The following MTUS2 variants were observed in gnomAD, a reference collection of about 807,000 sequenced individuals.
MTUS2 encodes the protein microtubule-associated tumor suppressor candidate 2.
Under a neutral mutation model 114.1 loss-of-function variants are expected in MTUS2, and 40 were observed. The observed-to-expected ratio is 0.35, with a 90% CI of 0.27 to 0.46. The LOEUF is 0.46. Ranked by LOEUF, MTUS2 falls within the 20% of genes least tolerant of loss-of-function variation. MTUS2 has a pLI of 1.00. For synonymous variants in MTUS2, 688 were observed against 672.0 expected (o/e 1.02, Z -0.37); for missense variants, 1,679 against 1,705.4 (o/e 0.98, Z 0.27).
intron 2 of MTUS2, among the ~76,000 whole-genome samples, chr13:28,969,334 A>G (rs1046690733): frequency 2.6e-5 from 4 of 152,290 alleles, no homozygotes; most frequent in African/African-American, 9.6e-5. Context: ...CAACATATAC[A>G]GTGTATACTG....
intron 12 of MTUS2, among the ~76,000 whole-genome samples, chr13:29,494,940 C>G (rs1882430656): frequency 6.6e-6 from 1 of 151,906 alleles, no homozygotes; most frequent in African/African-American, 2.4e-5. Flanking sequence ...ATTCCCAGCA[C>G]TTTGGGAGGC....
intron 7 of MTUS2, among the ~76,000 whole-genome samples, chr13:29,332,886 C>T (rs1435550529): frequency 7.2e-5 from 11 of 152,120 alleles, no homozygotes; most frequent in African/African-American, 1.9e-4. Context: ...CTGCGCGTCT[C>T]GGCCTCCCAA....
intron 2 of MTUS2, among the ~76,000 whole-genome samples, chr13:28,964,126 T>C (rs904745848): frequency 2.0e-5 from 3 of 152,202 alleles, no homozygotes; most frequent in Non-Finnish European, 4.4e-5. Flanking sequence ...TGTACTTGGG[T>C]GTCTAATAGG....
intron 5 of MTUS2, among the ~76,000 whole-genome samples, chr13:29,211,228 T>A (rs1167049839): frequency 2.6e-5 from 4 of 151,976 alleles, no homozygotes; most frequent in African/African-American, 9.7e-5. Context: ...CTCTGCTGGG[T>A]CACGCAGGTT....
intron 6 of MTUS2, among the ~76,000 whole-genome samples, chr13:29,321,499 A>T (rs550550551): frequency 2.4e-4 from 37 of 152,356 alleles, no homozygotes; most frequent in African/African-American, 8.2e-4. Flanking sequence ...CCCAGACCAT[A>T]CAAGAGTTCT....
At chr13:29,366,209 G>T (rs1870699854) in intron 8 of MTUS2, among the ~76,000 whole-genome samples, 1 of 152,174 alleles carries the variant, frequency 6.6e-6, no homozygotes, top group Admixed American at 6.5e-5. Context: ...AGTTCCACGT[G>T]GCTGGGAAGG....
At chr13:29,459,397 G>C (rs1174897843) in intron 9 of MTUS2, among the ~76,000 whole-genome samples, 2 of 152,082 alleles carry the variant, frequency 1.3e-5, no homozygotes, top group Non-Finnish European at 2.9e-5. Context: ...TTATAATTCG[G>C]AAGTGTGTTC....
chr13:29,280,094 T>C (rs149587049), intron 5 of MTUS2, among the ~76,000 whole-genome samples: 261 of 152,190 alleles, frequency 1.7e-3, no homozygotes, highest in African/African-American at 6.1e-3. Flanking sequence ...CCTGAGAGAG[T>C]CTCTGAGTTC....
chr13:28,957,124 A>G lies in MTUS2; in HGVS notation c.-242-67333A>G, dbSNP rs1883109278. Among the ~76,000 whole-genome samples the G allele has an allele frequency of 3.3e-5, 5 of 152,308 alleles. No individual in the cohort carries two copies. The South Asian group carries it at 1.0e-3, about 32-fold the overall frequency. ...TATCACAGTGTACAAAGAGCTCTGG[A>G]CGTGGAGATAATGGTTGGATTCTCA... is the stretch of plus-strand genomic sequence containing the variant. On this transcript the variant is annotated intron_variant, in intron 2 of 15. Coordinates refer to ENST00000612955, the MANE Select transcript of MTUS2 (RefSeq NM_001033602.4).
chr13:29,175,613 T>C (rs560920275), intron 5 of MTUS2, among the ~76,000 whole-genome samples: 2 of 152,328 alleles, frequency 1.3e-5, no homozygotes, highest in African/African-American at 4.8e-5. Context: ...TTCCAGTGTT[T>C]TGTTAGATTG....
At chr13:28,898,837 G>C (rs566264765) in intron 2 of MTUS2, among the ~76,000 whole-genome samples, 214 of 152,322 alleles carry the variant, frequency 1.4e-3, no homozygotes, top group African/African-American at 4.4e-3. Flanking sequence ...TTTCACATGA[G>C]CTATGATGTG....
At chr13:29,149,870 T>C (rs1046541067) in intron 5 of MTUS2, among the ~76,000 whole-genome samples, 2 of 152,304 alleles carry the variant, frequency 1.3e-5, no homozygotes, top group South Asian at 2.1e-4. Flanking sequence ...TCCATTGATA[T>C]GTGTGTCTGT....
chr13:28,909,118 T>C (rs1034708084), intron 2 of MTUS2, among the ~76,000 whole-genome samples: 1 of 151,572 alleles, frequency 6.6e-6, no homozygotes, highest in African/African-American at 2.4e-5. Context: ...TGAAGTCAGG[T>C]AGCGTGATGC....
chr13:29,077,284 TGA>T (rs1424568856), intron 4 of MTUS2, among the ~76,000 whole-genome samples: 2 of 152,082 alleles, frequency 1.3e-5, no homozygotes, highest in African/African-American at 4.8e-5. Flanking sequence ...CCAAGCAAGG[TGA>T]GAGAGGAAGA....
At chr13:29,313,647 A>G (rs1354341364) in intron 6 of MTUS2, among the ~76,000 whole-genome samples, 1 of 152,204 alleles carries the variant, frequency 6.6e-6, no homozygotes, top group Middle Eastern at 3.2e-3. Context: ...GTAATTATGA[A>G]GCAACATATC....
chr13:29,336,749 C>T (rs1365029191), intron 7 of MTUS2, among the ~76,000 whole-genome samples: 1 of 152,194 alleles, frequency 6.6e-6, no homozygotes, highest in Non-Finnish European at 1.5e-5. Flanking sequence ...CCACACCTGC[C>T]CCTTTCCCCA....
At chr13:29,321,819 T>C (rs1369165757) in intron 6 of MTUS2, among the ~76,000 whole-genome samples, 3 of 152,224 alleles carry the variant, frequency 2.0e-5, no homozygotes, top group Non-Finnish European at 2.9e-5. Flanking sequence ...ATCTTTCAGA[T>C]ATTTTTACTT....
At chr13:28,909,045 C>CTA (rs1039037272) in intron 2 of MTUS2, among the ~76,000 whole-genome samples, 3 of 151,390 alleles carry the variant, frequency 2.0e-5, no homozygotes, top group Non-Finnish European at 4.4e-5. Flanking sequence ...TTCCATTGGT[C>CTA]TATATCTCTG....
intron 4 of MTUS2, among the ~76,000 whole-genome samples, chr13:29,079,431 C>A (rs1590277): frequency 0.37 from 55,597 of 151,746 alleles, 10,871 homozygotes; most frequent in East Asian, 0.63. Context: ...ATTCAACTTA[C>A]CTAAATTTTT....
Sources: allele counts gnomAD v4.1 joint callset (sites outside exome capture counted in the v4.1 genomes callset), GRCh38; gene constraint gnomAD v4.1.1; transcripts MANE v1.5; gene names NCBI Gene and HGNC (gene_info 2026-07-23, HGNC 2026-07-21).